Variants in AAK1 observed in about 807,000 individuals in gnomAD.
AAK1 encodes the protein AP2-associated protein kinase 1.
AAK1 carries 37 observed loss-of-function variants against 116.0 expected under a neutral mutation model. That is an observed-to-expected ratio of 0.32 (90% CI 0.25 to 0.42). The LOEUF is 0.42. Among genes scored for constraint, AAK1 ranks in the 10% least tolerant of loss-of-function variants. AAK1 has a pLI of 1.00. For synonymous variants in AAK1, 458 were observed against 439.9 expected (o/e 1.04, Z -0.51); for missense variants, 919 against 1,170.6 (o/e 0.79, Z 3.14).
In AAK1 at chr2:69,518,382, GA is replaced by G. The variant is rs1462624268; in HGVS notation, c.1497+571del. Among the ~76,000 whole-genome samples, 6 of 143,352 alleles carry G rather than the reference GA, an allele frequency of 4.2e-5. No individual in the cohort carries two copies. The East Asian group carries it at 1.0e-3, about 24-fold the overall frequency. The allele number at this position is 143,352 out of a possible 152,430, so 94.0% of individuals were successfully genotyped here. On this transcript the variant is annotated intron_variant, in intron 12 of 21. Coordinates refer to ENST00000409085, the MANE Select transcript of AAK1 (RefSeq NM_014911.5). ...GTTACAGTTGTATTAGAAAAAAGAA[GA>G]AAAAAAAGCAGTCCTTAAAAAAAAA...
chr2:69,540,974 T>G (rs534653659), intron 5 of AAK1, among the ~76,000 whole-genome samples: 213 of 152,158 alleles, frequency 1.4e-3, no homozygotes, highest in Non-Finnish European at 1.7e-3. Flanking sequence ...CTTGAAAACA[T>G]TGTGCTAAGT....
chr2:69,488,284 G>A (rs537251851), intron 17 of AAK1, among the ~76,000 whole-genome samples: 1 of 151,936 alleles, frequency 6.6e-6, no homozygotes, highest in East Asian at 1.9e-4. Context: ...TATGTACCCA[G>A]GTAACAAACA....
At chr2:69,596,630 C>A (rs756949366) in intron 2 of AAK1, among the ~76,000 whole-genome samples, 40 of 152,214 alleles carry the variant, frequency 2.6e-4, no homozygotes, top group Non-Finnish European at 4.3e-4. Context: ...TTAAAACCTT[C>A]TGGAAAGGAC....
chr2:69,595,486 A>G (rs1484265673), intron 2 of AAK1, among the ~76,000 whole-genome samples: 5 of 152,218 alleles, frequency 3.3e-5, no homozygotes, highest in African/African-American at 7.2e-5. Context: ...ATAAGAACAA[A>G]CCTGCCAAAA....
intron 13 of AAK1, 101 bp downstream of exon 13, chr2:69,514,370 C>T: frequency 1.4e-6 from 2 of 1,426,516 alleles, no homozygotes; most frequent in Non-Finnish European, 1.8e-6. Context: ...GGAAAGCAAC[C>T]TGGACCCTCA....
At chr2:69,493,981 C>T (rs575017350) in intron 17 of AAK1, among the ~76,000 whole-genome samples, 4 of 152,250 alleles carry the variant, frequency 2.6e-5, no homozygotes, top group African/African-American at 7.2e-5. Flanking sequence ...CCTTGCAGGT[C>T]GCAGTAAGCA....
At chr2:69,507,664 AT>A in intron 14 of AAK1, 86 bp from the exon 15 acceptor site, 1 of 1,289,058 alleles carries the variant, frequency 7.8e-7, no homozygotes, top group East Asian at 2.6e-5. Context: ...CTGTTTCAGA[AT>A]CAAATTATTT....
At chr2:69,558,890 C>T (rs149985648) in intron 2 of AAK1, among the ~76,000 whole-genome samples, 88 of 152,326 alleles carry the variant, frequency 5.8e-4, no homozygotes, top group African/African-American at 2.0e-3. Flanking sequence ...TGTTGATGCC[C>T]ATGGCATTTC....
intron 2 of AAK1, among the ~76,000 whole-genome samples, chr2:69,622,589 C>T (rs142885124): frequency 0.13 from 20,048 of 152,100 alleles, 3,060 homozygotes; most frequent in African/African-American, 0.36. Flanking sequence ...TAGCTCAAGG[C>T]TTATAAACAC....
intron 2 of AAK1, among the ~76,000 whole-genome samples, chr2:69,592,042 A>T (rs1673057910): frequency 6.6e-6 from 1 of 152,162 alleles, no homozygotes; most frequent in South Asian, 2.1e-4. Flanking sequence ...ATAAGAGCAA[A>T]TGAGGAAGTG....
At chr2:69,574,685 T>G (rs1672229700) in intron 2 of AAK1, among the ~76,000 whole-genome samples, 1 of 152,140 alleles carries the variant, frequency 6.6e-6, no homozygotes, top group Admixed American at 6.6e-5. Context: ...ACATTAAATG[T>G]ACACGACGGG....
chr2:69,599,769 T>G (rs1326731560), intron 2 of AAK1, among the ~76,000 whole-genome samples: 1 of 151,718 alleles, frequency 6.6e-6, no homozygotes. Flanking sequence ...GTCTGCAATG[T>G]GTGTGTGTGT....
chr2:69,628,998 T>G (rs1675041856), intron 2 of AAK1, among the ~76,000 whole-genome samples: 1 of 152,218 alleles, frequency 6.6e-6, no homozygotes, highest in Admixed American at 6.5e-5. Context: ...ATGCCATATT[T>G]ATCAGTCTTT....
intron 5 of AAK1, among the ~76,000 whole-genome samples, chr2:69,536,203 G>A (rs940793564): frequency 7.2e-5 from 11 of 152,180 alleles, no homozygotes; most frequent in Admixed American, 3.9e-4. Context: ...TGAGATTGGC[G>A]AGGAAGGAGG....
chr2:69,637,258 C>T (rs1675487550), intron 2 of AAK1, among the ~76,000 whole-genome samples: 1 of 152,204 alleles, frequency 6.6e-6, no homozygotes, highest in African/African-American at 2.4e-5. Flanking sequence ...TGACTACTCC[C>T]CAACCCACAA....
At chr2:69,632,694 C>G (rs962371891) in intron 2 of AAK1, among the ~76,000 whole-genome samples, 2 of 152,080 alleles carry the variant, frequency 1.3e-5, no homozygotes, top group African/African-American at 4.8e-5. Context: ...GTCAGGAGAT[C>G]GAGACCATCC....
chr2:69,507,547 G>C lies in AAK1; in HGVS notation c.2038C>G (p.Arg680Gly). 1 of 1,611,914 alleles carries C rather than the reference G, an allele frequency of 6.2e-7. No homozygotes were observed. Among genetic ancestry groups the C allele is most frequent in the Non-Finnish European group, 8.5e-7 (1 of 1,178,958 alleles). ...SATTTPSGSP[R>G]TSQQNVYNPS... ...TTATAAACGTTTTGTTGAGAGGTCC[G>C]AGGAGAGCCTGATGGAGTGGTGGTT... is the stretch of plus-strand genomic sequence containing the variant. The change falls in exon 15 of 22, where the codon CGG becomes GGG. Residue 680 changes from arginine to glycine, a missense_variant. Arg to Gly is a moderately radical substitution (Grantham distance 125). This residue lies in a region of AAK1 where 125 missense variants were observed against 184.1 expected (regional missense o/e 0.68). Coordinates refer to ENST00000409085, the MANE Select transcript of AAK1 (RefSeq NM_014911.5).
chr2:69,482,866 C>A, intron 17 of AAK1, 54 bp from the exon 18 acceptor site: 2 of 1,105,770 alleles, frequency 1.8e-6, no homozygotes, highest in East Asian at 2.4e-5. Context: ...GATATTAAAG[C>A]CAGCGGATCA....
At chr2:69,579,506 G>C (rs1336145508) in intron 2 of AAK1, among the ~76,000 whole-genome samples, 2 of 152,220 alleles carry the variant, frequency 1.3e-5, no homozygotes, top group African/African-American at 2.4e-5. Context: ...TTGGGCCCGG[G>C]AGGTGGAGGT....
Sources: gnomAD v4.1 joint callset for allele counts (sites outside exome capture counted in the v4.1 genomes callset) on GRCh38, gnomAD v4.1.1 for gene constraint, gnomAD v4.1.1 regional missense constraint, MANE v1.5 for transcripts, NCBI Gene and HGNC (gene_info 2026-07-23, HGNC 2026-07-21) for gene names.